NOTCH2: variants seen among roughly 807,000 people sequenced by gnomAD.
The protein encoded by NOTCH2 is neurogenic locus notch homolog protein 2.
Under a neutral mutation model 235.8 loss-of-function variants are expected in NOTCH2, and 29 were observed. The ratio of observed to expected loss-of-function variants is 0.12; its 90% CI spans 0.09 to 0.17. The LOEUF is 0.17. Among genes scored for constraint, NOTCH2 ranks in the 10% least tolerant of loss-of-function variants. The probability of loss-of-function intolerance (pLI) is 1.00; values close to 1 mark genes in which losing one functional copy is unlikely to be tolerated. For synonymous variants in NOTCH2, 1,086 were observed against 1,141.5 expected (o/e 0.95, Z 0.98); for missense variants, 2,285 against 3,150.2 (o/e 0.73, Z 6.57).
intron 15 of NOTCH2, among the ~76,000 whole-genome samples, chr1:119,949,541 G>C (rs2493416): frequency 0.22 from 33,272 of 151,488 alleles, 5,072 homozygotes; most frequent in African/African-American, 0.42. Context: ...CACCCACCAC[G>C]ACGCCCGGCT....
At chr1:120,004,838 T>C (rs1210062320) in intron 3 of NOTCH2, among the ~76,000 whole-genome samples, 27 of 152,228 alleles carry the variant, frequency 1.8e-4, no homozygotes, top group Non-Finnish European at 3.2e-4. Context: ...AGTGGTGCGA[T>C]CATAGCTCAC....
chr1:119,949,146 G>A lies in NOTCH2; in HGVS notation c.2480-20C>T. The A allele has an allele frequency of 8.7e-6, 14 of 1,614,062 alleles. No individual in the cohort carries two copies. Among genetic ancestry groups the A allele is most frequent in the East Asian group, 2.2e-5 (1 of 44,870 alleles). ...TCTTGCCTAGAAAGTAAATGACAGA[G>A]TTTATGACAGATAAACAGGTAAGAA... On this transcript the variant is annotated intron_variant, in intron 15 of 33. Transcript: ENST00000256646.
intron 11 of NOTCH2, among the ~76,000 whole-genome samples, chr1:119,960,355 C>A (rs1650888281): frequency 6.6e-6 from 1 of 151,734 alleles, no homozygotes; most frequent in South Asian, 2.1e-4. Context: ...CTGAGGTAAG[C>A]TGCCTTATTT....
intron 9 of NOTCH2, among the ~76,000 whole-genome samples, chr1:119,965,887 T>C (rs1193606734): frequency 4.6e-5 from 7 of 152,098 alleles, no homozygotes; most frequent in Non-Finnish European, 1.0e-4. Flanking sequence ...GAAGATACAA[T>C]GGGGTAAGAT....
chr1:119,926,591 C>G lies in NOTCH2; in HGVS notation c.3913G>C (p.Val1305Leu), dbSNP rs587688280. 1 of 1,608,286 alleles carries G rather than the reference C, an allele frequency of 6.2e-7. No homozygotes were observed. Among genetic ancestry groups the G allele is most frequent in the South Asian group, 1.1e-5 (1 of 89,956 alleles). The change falls in exon 24 of 34, where the codon GTC becomes CTC. Residue 1305 changes from valine to leucine, a missense_variant. Coordinates refer to ENST00000256646, the MANE Select transcript of NOTCH2 (RefSeq NM_024408.4). ...AFTGRHCETF[V>L]DVCPQMPCLN... ...CAGGGCATCTGGGGACACACATCGACGAAGGTTTCACAGTGCCGGCCTCAG... is the reference window on the plus strand; with the variant it reads ...CAGGGCATCTGGGGACACACATCGAGGAAGGTTTCACAGTGCCGGCCTCAG...
At chr1:119,944,118 G>T (rs897501797) in intron 17 of NOTCH2, among the ~76,000 whole-genome samples, 1 of 152,080 alleles carries the variant, frequency 6.6e-6, no homozygotes, top group East Asian at 1.9e-4. Context: ...CATTATAAAA[G>T]GGAGACGCAA....
At position 119,968,136 on chromosome 1, in the gene NOTCH2, G is replaced by A; in HGVS notation, c.1205C>T (p.Thr402Ile). ...AGCCCCTTTGTAGCCTTGTGGGCAG[G>A]TGCAAATATATTGCCCATTTAGGGG... ...TNPLNGQYIC[T>I]CPQGYKGADC... The change falls in exon 7 of 34, where the codon ACC becomes ATC. Residue 402 changes from threonine to isoleucine, a missense_variant. Physicochemically the swap from Thr to Ile is moderately conservative, Grantham distance 89. Coordinates refer to ENST00000256646, the MANE Select transcript of NOTCH2 (RefSeq NM_024408.4). 1 of 1,614,090 alleles carries A rather than the reference G, an allele frequency of 6.2e-7. No homozygotes were observed. The highest frequency in any genetic ancestry group is 8.5e-7 in the Non-Finnish European group (1 of 1,179,962).
chr1:119,953,150 A>G (rs1650547832), intron 14 of NOTCH2, among the ~76,000 whole-genome samples: 1 of 152,300 alleles, frequency 6.6e-6, no homozygotes, highest in East Asian at 1.9e-4. Flanking sequence ...CGTCTCTACT[A>G]AAAATACAAA....
At chr1:119,945,250 T>C (rs947513166) in intron 17 of NOTCH2, among the ~76,000 whole-genome samples, 27 of 152,154 alleles carry the variant, frequency 1.8e-4, no homozygotes, top group African/African-American at 6.5e-4. Context: ...GAAATTTATG[T>C]ATGTAGATAA....
At chr1:119,955,861 G>A (rs1446073252) in intron 12 of NOTCH2, among the ~76,000 whole-genome samples, 1 of 152,194 alleles carries the variant, frequency 6.6e-6, no homozygotes, top group Non-Finnish European at 1.5e-5. Flanking sequence ...GTCTGTCACT[G>A]CAGACCTATG....
chr1:119,939,968 T>C (rs910549751), intron 19 of NOTCH2, among the ~76,000 whole-genome samples: 2 of 152,244 alleles, frequency 1.3e-5, no homozygotes, highest in South Asian at 2.1e-4. Flanking sequence ...ACAGGGCTGT[T>C]TGGTATGCAA....
At chr1:119,948,716 T>G in intron 16 of NOTCH2, 150 bp from the exon 17 acceptor site, 3 of 962,604 alleles carry the variant, frequency 3.1e-6, no homozygotes, top group Non-Finnish European at 4.9e-6. Flanking sequence ...GGAAGACTTC[T>G]GTGGCCTAGG....
intron 20 of NOTCH2, 57 bp downstream of exon 20, chr1:119,937,800 G>T: frequency 6.3e-7 from 1 of 1,592,790 alleles, no homozygotes; most frequent in Non-Finnish European, 8.6e-7. Context: ...TTCTCTAAAT[G>T]CCACTGGACA....
At chr1:120,067,097 G>A (rs1302371205) in intron 1 of NOTCH2, among the ~76,000 whole-genome samples, 228 of 146,666 alleles carry the variant, frequency 1.6e-3, no homozygotes, top group East Asian at 6.4e-3. Flanking sequence ...ATTAACAATT[G>A]GCCACAAGCC....
intron 5 of NOTCH2, among the ~76,000 whole-genome samples, chr1:119,986,176 C>T (rs1336361706): frequency 6.6e-6 from 1 of 152,170 alleles, no homozygotes; most frequent in Non-Finnish European, 1.5e-5. Context: ...ATAATACTAA[C>T]TTCCTGTTGG....
At chr1:119,975,285 T>G (rs868935675) in intron 5 of NOTCH2, among the ~76,000 whole-genome samples, 1 of 151,966 alleles carries the variant, frequency 6.6e-6, no homozygotes, top group Non-Finnish European at 1.5e-5. Context: ...TTTGCAGGAG[T>G]AGGGTCACCT....
At chr1:119,971,809 C>T (rs1446883805) in intron 5 of NOTCH2, among the ~76,000 whole-genome samples, 2 of 152,196 alleles carry the variant, frequency 1.3e-5, no homozygotes, top group African/African-American at 4.8e-5. Context: ...TACTGAAGCC[C>T]AACTACTAGT....
chr1:120,006,673 G>C (rs1553206345), intron 2 of NOTCH2, among the ~76,000 whole-genome samples: 1 of 149,088 alleles, frequency 6.7e-6, no homozygotes, highest in Non-Finnish European at 1.5e-5. Flanking sequence ...AGTTTTCAGG[G>C]ACTAGAAAAC....
rs1221282887 is a variant in NOTCH2, at chr1:119,963,176, T to TAGGAAGGAAGGA, written c.1915+397_1915+398insTCCTTCCTTCCT. Among the ~76,000 whole-genome samples, 19 of 66,432 alleles carry TAGGAAGGAAGGA rather than the reference T, an allele frequency of 2.9e-4. 1 individual carries two copies. The highest frequency in any genetic ancestry group is 0.023 in the Middle Eastern group (2 of 88). 43.6% of individuals were successfully genotyped at this position (66,432 alleles called of 152,430 possible). A position where few individuals can be genotyped will look rare whatever the true frequency, so the allele number is the denominator to read the frequency against. On this transcript the variant is annotated intron_variant, in intron 11 of 33. Transcript: ENST00000256646. Reference sequence around the variant, plus strand: ...GAAGGGAAGAAGGGAAGAAGGAAGGTAGGTAGGAAGGAAGGAAGGAAGGAA... The same window carrying TAGGAAGGAAGGA: ...GAAGGGAAGAAGGGAAGAAGGAAGGTAGGAAGGAAGGAAGGTAGGAAGGAAGGAAGGAAGGAA...
Sources: allele counts gnomAD v4.1 joint callset (sites outside exome capture counted in the v4.1 genomes callset), GRCh38; gene constraint gnomAD v4.1.1; transcripts MANE v1.5; gene names NCBI Gene and HGNC (gene_info 2026-07-23, HGNC 2026-07-21).